Variants in SLC37A1 observed in about 807,000 individuals in gnomAD.
The protein encoded by SLC37A1 is glucose-6-phosphate exchanger SLC37A1.
A neutral mutation model predicts 75.3 loss-of-function variants in SLC37A1; 49 were observed. The ratio of observed to expected loss-of-function variants is 0.65; its 90% CI spans 0.52 to 0.83. SLC37A1 has a LOEUF of 0.83. SLC37A1 is among the 40% of genes least tolerant of loss of function. The pLI, the probability that SLC37A1 is intolerant of heterozygous loss-of-function variation, is 0.00. For missense variants in SLC37A1, 566 were observed against 695.0 expected (o/e 0.81, Z 2.09); for synonymous variants, 268 against 292.1 (o/e 0.92, Z 0.84).
chr21:42,522,414 G>C (rs937217076), intron 2 of SLC37A1, among the ~76,000 whole-genome samples: 9 of 152,338 alleles, frequency 5.9e-5, no homozygotes, highest in African/African-American at 2.2e-4. Flanking sequence ...GCAGAGTGAA[G>C]CGTCTGCCTA....
chr21:42,505,203 G>A lies in SLC37A1; in HGVS notation c.-179+2786G>A, dbSNP rs146843078. On this transcript the variant is annotated intron_variant, in intron 2 of 20. Coordinates refer to the SLC37A1 transcript ENST00000398341. The stretch of plus-strand genomic sequence containing the variant: ...TAGTGAAGTCCAGACTCCCTCATTC[G>A]ATTATTAGGCTCTGAATGATGTGGC... Among the ~76,000 whole-genome samples the A allele has an allele frequency of 2.5e-3, 382 of 152,168 alleles. 1 individual carries two copies. Among genetic ancestry groups the A allele is most frequent in the African/African-American group, 8.8e-3 (365 of 41,528 alleles).
intron 18 of SLC37A1, among the ~76,000 whole-genome samples, chr21:42,576,743 AT>A (rs1271217457): frequency 6.6e-6 from 1 of 152,244 alleles, no homozygotes; most frequent in Admixed American, 6.5e-5. Flanking sequence ...GAAAAATGTG[AT>A]CTTTAGCCTG....
In SLC37A1 at chr21:42,559,047, T is replaced by G. The variant is rs1569026872; in HGVS notation, c.939T>G (p.Ser313Arg). 6.2e-7 allele frequency: 1 copy of G among 1,613,294 alleles called. No homozygotes were observed. Among genetic ancestry groups the G allele is most frequent in the Non-Finnish European group, 8.5e-7 (1 of 1,179,770 alleles). Residue 313 changes from serine (S) to arginine (R), a missense_variant, in exon 11 of 20, where the codon AGT becomes AGG. Transcript: ENST00000352133. ...TCATTCTCCCCGGGGACGGTGGGAG[T>G]GGCACGGCCGCCATCAGCTTCACAG... Reference protein sequence around the residue: ...HVVILPGDGGSGTAAISFTGA... With the variant: ...HVVILPGDGGRGTAAISFTGA...
At chr21:42,565,771 A>G in intron 14 of SLC37A1, 56 bp from the exon 15 acceptor site, 3 of 1,533,678 alleles carry the variant, frequency 2.0e-6, no homozygotes, top group South Asian at 1.1e-5. Context: ...ATTTCCAGCA[A>G]TCTCGCACTG....
chr21:42,525,708 AGTGATAT>A, intron 2 of SLC37A1, 61 bp from the exon 3 acceptor site: 1 of 1,097,118 alleles, frequency 9.1e-7, no homozygotes, highest in South Asian at 1.3e-5. Context: ...TTCAGAACAC[AGTGATAT>A]GTATTCCTAA....
intron 10 of SLC37A1, among the ~76,000 whole-genome samples, chr21:42,557,135 G>A (rs565146925): frequency 3.3e-5 from 5 of 152,340 alleles, no homozygotes; most frequent in South Asian, 2.1e-4. Flanking sequence ...CAGAGGGTGC[G>A]CTTCTCCTGG....
At chr21:42,558,574 C>T (rs1234884130) in intron 10 of SLC37A1, among the ~76,000 whole-genome samples, 1 of 152,186 alleles carries the variant, frequency 6.6e-6, no homozygotes, top group Non-Finnish European at 1.5e-5. Context: ...GTGTCATAAG[C>T]ATTTTCCGTC....
intron 17 of SLC37A1, among the ~76,000 whole-genome samples, chr21:42,570,127 C>CTCAGAAAGCCACACTTTGGCTTTTG (rs1569040975): frequency 2.3e-5 from 1 of 43,180 alleles, no homozygotes; most frequent in Non-Finnish European, 5.6e-5. Flanking sequence ...GTGGCTGTTG[C>CTCAGAAAGCCACACTTTGGCTTTTG]CATGTGACAC....
At position 42,514,445 on chromosome 21, in the gene SLC37A1, G is replaced by A. The variant is rs1196969863; in HGVS notation, c.-451G>A. ...CATTGTCTGCCGCGATGGGGACGTGGGCGTGCCCGCGGAATTCACCTCCTC... is the reference window on the plus strand; with the variant it reads ...CATTGTCTGCCGCGATGGGGACGTGAGCGTGCCCGCGGAATTCACCTCCTC... On this transcript the variant is annotated 5_prime_UTR_variant, in exon 1 of 20. It introduces an in-frame stop codon into an upstream open reading frame of the 5' UTR. Coordinates refer to ENST00000352133, the MANE Select transcript of SLC37A1 (RefSeq NM_001320537.2). This position sits in a 1 kb window ranked among gnomAD's most constrained non-coding sequence, Gnocchi z 4.8. 3 of 152,250 alleles carry A rather than the reference G, an allele frequency of 2.0e-5. No homozygotes were observed. Among genetic ancestry groups the A allele is most frequent in the Non-Finnish European group, 2.9e-5 (2 of 68,080 alleles). The allele number at this position is 152,250 out of a possible 1,614,324, so 9.4% of individuals were successfully genotyped here.
In SLC37A1 at chr21:42,580,394, C is replaced by T. The variant is rs2056402536; in HGVS notation, c.*34C>T. ...CCCAGTCCCGTGGAGGGGGTCTGGG[C>T]CCACCCTTCACAACTGCCTTTCAAG... On this transcript the variant is annotated 3_prime_UTR_variant, in exon 20 of 20. Transcript: ENST00000352133. 1.2e-6 allele frequency: 2 copies of T among 1,609,584 alleles called. No homozygotes were observed. Among genetic ancestry groups the T allele is most frequent in the Non-Finnish European group, 1.7e-6 (2 of 1,177,830 alleles).
intron 3 of SLC37A1, among the ~76,000 whole-genome samples, chr21:42,534,150 C>T (rs932871184): frequency 4.6e-5 from 7 of 152,150 alleles, no homozygotes; most frequent in African/African-American, 1.4e-4. Flanking sequence ...CACCTCTAGC[C>T]GCATGGATTC....
chr21:42,544,837 G>A (rs1464995031), intron 8 of SLC37A1, among the ~76,000 whole-genome samples: 1 of 152,222 alleles, frequency 6.6e-6, no homozygotes, highest in African/African-American at 2.4e-5. Context: ...TGCGCTCCAA[G>A]TGTTTGAGAC....
chr21:42,543,755 C>T (rs113692655), intron 8 of SLC37A1, among the ~76,000 whole-genome samples, 153 bp downstream of exon 8: 3 of 152,234 alleles, frequency 2.0e-5, no homozygotes, highest in African/African-American at 4.8e-5. Flanking sequence ...GAGACTTCCC[C>T]GGGGAGCCGG....
Position 42,553,069 on chromosome 21 carries a change from AG to A in SLC37A1, c.769-990del, listed in dbSNP as rs908479313. On this transcript the variant is annotated intron_variant, in intron 9 of 19. Coordinates refer to ENST00000352133, the MANE Select transcript of SLC37A1 (RefSeq NM_001320537.2). ...TCAGGGGAAATGCCTCGAAATGTAA[AG>A]GGTGGGATCCAACTGTCCATCTGAA... Among the ~76,000 whole-genome samples, 12 of 152,188 alleles carry A rather than the reference AG, an allele frequency of 7.9e-5. No individual in the cohort carries two copies. The East Asian group carries it at 2.1e-3, about 27-fold the overall frequency.
At chr21:42,559,515 T>C (rs1210697586) in intron 11 of SLC37A1, among the ~76,000 whole-genome samples, 1 of 152,196 alleles carries the variant, frequency 6.6e-6, no homozygotes, top group African/African-American at 2.4e-5. Context: ...CGTGAGCCCA[T>C]GGGAGGCGCT....
chr21:42,525,241 G>A (rs1299975814), intron 2 of SLC37A1, among the ~76,000 whole-genome samples: 1 of 152,218 alleles, frequency 6.6e-6, no homozygotes, highest in African/African-American at 2.4e-5. Flanking sequence ...TGAGTTCTAC[G>A]AGCTGCTCTG....
chr21:42,556,584 G>A (rs1424642047), intron 10 of SLC37A1, among the ~76,000 whole-genome samples: 1 of 152,242 alleles, frequency 6.6e-6, no homozygotes, highest in Non-Finnish European at 1.5e-5. Flanking sequence ...CTCTTTGAAA[G>A]TGTAAGCCCT....
At chr21:42,510,521 T>C (rs2054423357), upstream of SLC37A1, among the ~76,000 whole-genome samples, 1 of 52,464 alleles carries the variant, frequency 1.9e-5, no homozygotes, top group Admixed American at 2.2e-4. Context: ...CAGTAGTAAG[T>C]CCTTATCAAT....
At chr21:42,516,327 C>T (rs1189413426) in intron 1 of SLC37A1, among the ~76,000 whole-genome samples, 2 of 152,140 alleles carry the variant, frequency 1.3e-5, no homozygotes, top group Non-Finnish European at 2.9e-5. Flanking sequence ...GAATCTGCCC[C>T]ACTTATCCAG....
Sources: gnomAD v4.1 joint callset for allele counts (sites outside exome capture counted in the v4.1 genomes callset) on GRCh38, gnomAD v4.1.1 for gene constraint, Gnocchi (gnomAD v3.1) non-coding constraint, MANE v1.5 for transcripts, NCBI Gene and HGNC (gene_info 2026-07-23, HGNC 2026-07-21) for gene names.